The following KIF18A variants were observed in gnomAD, a reference collection of about 807,000 sequenced individuals.
The protein encoded by KIF18A is kinesin-like protein KIF18A.
In KIF18A, 67 loss-of-function variants were observed where a neutral mutation model predicts 103.3. The observed-to-expected ratio is 0.65, with a 90% CI of 0.53 to 0.79. The LOEUF is 0.79. Among genes scored for constraint, KIF18A ranks in the 30% least tolerant of loss-of-function variants. The pLI, the probability that KIF18A is intolerant of heterozygous loss-of-function variation, is 0.00. For synonymous variants in KIF18A, 367 were observed against 355.5 expected (o/e 1.03, Z -0.36); for missense variants, 1,032 against 1,062.5 (o/e 0.97, Z 0.40).
chr11:28,087,237 C>T (rs192421110), intron 6 of KIF18A, among the ~76,000 whole-genome samples: 1 of 152,270 alleles, frequency 6.6e-6, no homozygotes, highest in Admixed American at 6.5e-5. Flanking sequence ...AGCCCCCACA[C>T]CCCCTGACAG....
chr11:28,093,940 G>C (rs1851334708), intron 3 of KIF18A, among the ~76,000 whole-genome samples: 2 of 152,136 alleles, frequency 1.3e-5, no homozygotes, highest in African/African-American at 4.8e-5. Context: ...TCAAAGTGGA[G>C]AAACTCTACA....
intron 7 of KIF18A, among the ~76,000 whole-genome samples, chr11:28,083,924 G>A (rs928727120): frequency 5.3e-5 from 8 of 152,004 alleles, no homozygotes; most frequent in Non-Finnish European, 1.0e-4. Flanking sequence ...AGACACTTAA[G>A]GAGAGTGGCA....
At chr11:28,082,601 C>T (rs979857234) in intron 9 of KIF18A, among the ~76,000 whole-genome samples, 3 of 151,964 alleles carry the variant, frequency 2.0e-5, no homozygotes, top group Admixed American at 6.6e-5. Context: ...TTATATGCAC[C>T]GGAAAACCAA....
At position 28,021,188 on chromosome 11, in the gene KIF18A, T is replaced by G. The variant is rs765569375; in HGVS notation, c.*12A>C. 1 of 1,494,888 alleles carries G rather than the reference T, an allele frequency of 6.7e-7. No individual in the cohort carries two copies. The highest frequency in any genetic ancestry group is 8.9e-7 in the Non-Finnish European group (1 of 1,119,270). 92.6% of individuals were successfully genotyped at this position (1,494,888 alleles called of 1,614,324 possible). ...ATTTGATCAACTTCATTTTGCTTGG[T>G]TTTGAAGTGATTTATCTTAGATTTC... On this transcript the variant is annotated 3_prime_UTR_variant, in exon 17 of 17. Coordinates refer to ENST00000263181, the MANE Select transcript of KIF18A (RefSeq NM_031217.4).
intron 15 of KIF18A, among the ~76,000 whole-genome samples, chr11:28,026,143 GA>G (rs1261407582): frequency 6.6e-6 from 1 of 151,648 alleles, no homozygotes; most frequent in African/African-American, 2.4e-5. Flanking sequence ...GTGTGCTAGA[GA>G]AATATTAAAT....
chr11:28,071,871 T>C (rs1395134983), intron 10 of KIF18A, among the ~76,000 whole-genome samples: 2 of 152,184 alleles, frequency 1.3e-5, no homozygotes, highest in Non-Finnish European at 2.9e-5. Flanking sequence ...AATTAAATCA[T>C]CTTTATTTTG....
intron 10 of KIF18A, among the ~76,000 whole-genome samples, chr11:28,075,401 A>G (rs1851076211): frequency 6.6e-6 from 1 of 152,180 alleles, no homozygotes; most frequent in Non-Finnish European, 1.5e-5. Flanking sequence ...ATATTACTAA[A>G]TATTTCATGG....
intron 4 of KIF18A, among the ~76,000 whole-genome samples, chr11:28,091,074 C>T (rs755714191): frequency 2.0e-5 from 3 of 151,764 alleles, no homozygotes; most frequent in Admixed American, 6.6e-5. Flanking sequence ...GGTGAACTCC[C>T]GCTTTCTACC....
intron 1 of KIF18A, among the ~76,000 whole-genome samples, chr11:28,107,273 T>C (rs1346714537): frequency 6.6e-6 from 1 of 151,976 alleles, no homozygotes; most frequent in Non-Finnish European, 1.5e-5. Context: ...CTAAACTATA[T>C]ATTATACCAC....
At chr11:28,078,372 T>A (rs1851122437) in intron 9 of KIF18A, among the ~76,000 whole-genome samples, 1 of 152,144 alleles carries the variant, frequency 6.6e-6, no homozygotes, top group Admixed American at 6.6e-5. Context: ...TATCTTTAGG[T>A]TATACTTAAA....
rs567888318 is a variant in KIF18A at position 28,102,130 on chromosome 11, CT to C, written c.-46-4138del. On this transcript the variant is annotated intron_variant, in intron 1 of 16. Coordinates refer to ENST00000263181, the MANE Select transcript of KIF18A (RefSeq NM_031217.4). ...AATCCCCTTCCCTCTTTGTTTTCCTCTTTTCTTTGCAGATCCAGTAGATAAT... is the reference window on the plus strand; with the variant it reads ...AATCCCCTTCCCTCTTTGTTTTCCTCTTTCTTTGCAGATCCAGTAGATAAT... 4.6e-5 allele frequency among the ~76,000 whole-genome samples: 7 copies of C among 152,270 alleles called. No homozygotes were observed. The East Asian group carries it at 1.4e-3, about 29-fold the overall frequency.
intron 13 of KIF18A, among the ~76,000 whole-genome samples, chr11:28,042,015 T>G (rs1429165656): frequency 2.0e-5 from 3 of 151,674 alleles, no homozygotes; most frequent in Admixed American, 1.3e-4. Flanking sequence ...GGAGTTCTGA[T>G]CCATGTAACT....
chr11:28,090,739 T>C lies in KIF18A; in HGVS notation c.589-12A>G, dbSNP rs747768972. On this transcript the variant is annotated splice_polypyrimidine_tract_variant and intron_variant, in intron 4 of 16. Coordinates refer to ENST00000263181, the MANE Select transcript of KIF18A (RefSeq NM_031217.4). The stretch of plus-strand genomic sequence containing the variant: ...TCTGAGGATTTGGGCTGGAGAAGTT[T>C]AAGTAGAAGCAAAATTTAAAAATCA... 7.5e-7 allele frequency: 1 copy of C among 1,339,570 alleles called. No homozygotes were observed. The highest frequency in any genetic ancestry group is 1.2e-5 in the South Asian group (1 of 81,360). 83.0% of individuals were successfully genotyped at this position (1,339,570 alleles called of 1,614,324 possible).
chr11:28,040,838 A>G (rs1332536601), intron 13 of KIF18A, among the ~76,000 whole-genome samples: 3 of 151,838 alleles, frequency 2.0e-5, no homozygotes, highest in Non-Finnish European at 4.4e-5. Flanking sequence ...TTAACTCCTC[A>G]ACATATTGTA....
In KIF18A at chr11:28,091,141, A is replaced by C. The variant is rs113697804; in HGVS notation, c.588+268T>G. On this transcript the variant is annotated intron_variant, in intron 4 of 16. Coordinates refer to ENST00000263181, the MANE Select transcript of KIF18A (RefSeq NM_031217.4). ...CGGTCACAAAATAAATAAATAAATAAATAAATAAATACATACATACATACA... is the reference window on the plus strand; with the variant it reads ...CGGTCACAAAATAAATAAATAAATACATAAATAAATACATACATACATACA... Among the ~76,000 whole-genome samples, 809 of 128,482 alleles carry C rather than the reference A, an allele frequency of 6.3e-3. 7 individuals are homozygous for C. The highest frequency in any genetic ancestry group is 0.019 in the African/African-American group (655 of 33,722). 84.3% of individuals were successfully genotyped at this position (128,482 alleles called of 152,430 possible). A position where few individuals can be genotyped will look rare whatever the true frequency, so the allele number is the denominator to read the frequency against.
chr11:28,062,351 GAT>G, intron 12 of KIF18A, 42 bp downstream of exon 12: 1 of 1,532,262 alleles, frequency 6.5e-7, no homozygotes, highest in African/African-American at 1.4e-5. Context: ...CTGTGCTTCA[GAT>G]ATAGTGTTAA....
At position 28,080,791 on chromosome 11, in the gene KIF18A, G is replaced by A. The variant is rs1023380921; in HGVS notation, c.1262+2065C>T. ...TGGAAATTACTAAGCTTCTAAGGAA[G>A]GCTTGTAGAAAGCCAAGATAGGCGA... On this transcript the variant is annotated intron_variant, in intron 9 of 16. Coordinates refer to ENST00000263181, the MANE Select transcript of KIF18A (RefSeq NM_031217.4). Among the ~76,000 whole-genome samples, 3 of 152,116 alleles carry A rather than the reference G, an allele frequency of 2.0e-5. No homozygotes were observed. The East Asian group carries it at 5.8e-4, about 29-fold the overall frequency.
At chr11:28,056,273 T>A (rs926555843) in intron 13 of KIF18A, among the ~76,000 whole-genome samples, 2 of 151,344 alleles carry the variant, frequency 1.3e-5, no homozygotes, top group East Asian at 1.9e-4. Context: ...TGCAAAGATA[T>A]GAAACTATAA....
chr11:28,075,807 G>A (rs1590697857), intron 10 of KIF18A, among the ~76,000 whole-genome samples: 1 of 152,244 alleles, frequency 6.6e-6, no homozygotes, highest in South Asian at 2.1e-4. Flanking sequence ...AGGTTTTCTA[G>A]TGGTATCATT....
Sources: allele counts gnomAD v4.1 joint callset (sites outside exome capture counted in the v4.1 genomes callset), GRCh38; gene constraint gnomAD v4.1.1; transcripts MANE v1.5; gene names NCBI Gene and HGNC (gene_info 2026-07-23, HGNC 2026-07-21).